Variants in NRG1 observed in about 807,000 individuals in gnomAD.
NRG1 encodes pro-neuregulin-1, membrane-bound isoform.
In NRG1, 18 loss-of-function variants were observed where a neutral mutation model predicts 63.8. The ratio of observed to expected loss-of-function variants is 0.28; its 90% CI spans 0.19 to 0.42. NRG1 has a LOEUF of 0.42. NRG1 is among the 10% of genes least tolerant of loss of function. The pLI, the probability that NRG1 is intolerant of heterozygous loss-of-function variation, is 1.00. For synonymous variants in NRG1, 302 were observed against 301.3 expected (o/e 1.00, Z -0.02); for missense variants, 762 against 814.7 (o/e 0.94, Z 0.79).
At chr8:31,762,337 C>A (rs1022367813) in intron 1 of NRG1, among the ~76,000 whole-genome samples, 8 of 152,162 alleles carry the variant, frequency 5.3e-5, no homozygotes, top group African/African-American at 1.9e-4. Context: ...AGGATGATAG[C>A]TTCCAGCTTC....
At chr8:32,612,573 C>T (rs1202071327) in intron 3 of NRG1, among the ~76,000 whole-genome samples, 2 of 149,584 alleles carry the variant, frequency 1.3e-5, no homozygotes, top group East Asian at 3.9e-4. Context: ...TAGTAACCTC[C>T]TGTTCTGGTA....
At chr8:32,213,308 T>C (rs899733932) in intron 1 of NRG1, among the ~76,000 whole-genome samples, 9 of 152,198 alleles carry the variant, frequency 5.9e-5, no homozygotes, top group Non-Finnish European at 1.3e-4. Context: ...TCATATCCTT[T>C]GCAGGGACAT....
chr8:31,919,321 TGAA>T (rs1422090616), intron 1 of NRG1, among the ~76,000 whole-genome samples: 3 of 152,190 alleles, frequency 2.0e-5, no homozygotes, highest in African/African-American at 7.2e-5. Context: ...ACAGTTTCTT[TGAA>T]TATTTCATTC....
At chr8:32,555,193 C>T (rs1278538775) in intron 1 of NRG1, among the ~76,000 whole-genome samples, 1 of 152,124 alleles carries the variant, frequency 6.6e-6, no homozygotes, top group Non-Finnish European at 1.5e-5. Flanking sequence ...AAATACCTTC[C>T]AATCACGCCT....
chr8:32,140,475 T>C (rs1836104634), intron 1 of NRG1, among the ~76,000 whole-genome samples: 1 of 151,986 alleles, frequency 6.6e-6, no homozygotes, highest in Non-Finnish European at 1.5e-5. Context: ...TCTTTTTTTT[T>C]TTTCTGAGAA....
intron 5 of NRG1, among the ~76,000 whole-genome samples, chr8:32,716,816 ATGTGCG>A (rs1007487322): frequency 6.3e-5 from 5 of 79,518 alleles, no homozygotes; most frequent in African/African-American, 2.3e-4. Flanking sequence ...GTGTGTGTGC[ATGTGCG>A]TGTGTGTGTG....
chr8:32,190,994 T>G (rs1842438711), intron 1 of NRG1, among the ~76,000 whole-genome samples: 1 of 152,188 alleles, frequency 6.6e-6, no homozygotes. Flanking sequence ...ATCCATTTGC[T>G]CCAGTTGGAG....
intron 1 of NRG1, among the ~76,000 whole-genome samples, chr8:32,069,828 C>T (rs770694160): frequency 1.3e-5 from 2 of 152,134 alleles, no homozygotes; most frequent in South Asian, 2.1e-4. Context: ...TCTAGATCTC[C>T]CTGCAGTGGT....
At chr8:32,342,009 A>G (rs750404729) in intron 1 of NRG1, among the ~76,000 whole-genome samples, 36 of 152,178 alleles carry the variant, frequency 2.4e-4, no homozygotes, top group Non-Finnish European at 4.6e-4. Flanking sequence ...TTGTGTCATT[A>G]TGTGAATTCT....
chr8:32,490,195 C>A (rs949417596), intron 1 of NRG1, among the ~76,000 whole-genome samples: 1 of 151,986 alleles, frequency 6.6e-6, no homozygotes, highest in African/African-American at 2.4e-5. Context: ...GTTCTAGCTA[C>A]AGGGGAGTCT....
intron 1 of NRG1, among the ~76,000 whole-genome samples, chr8:31,860,448 G>A (rs1287448194): frequency 1.3e-5 from 2 of 152,158 alleles, no homozygotes; most frequent in African/African-American, 2.4e-5. Flanking sequence ...GTATAAATCT[G>A]TACCTAATGA....
chr8:31,692,793 GT>G (rs1809659891), intron 1 of NRG1, among the ~76,000 whole-genome samples: 1 of 152,184 alleles, frequency 6.6e-6, no homozygotes, highest in South Asian at 2.1e-4. Flanking sequence ...GTGGGGAGGT[GT>G]GTAAGCTTGC....
intron 1 of NRG1, among the ~76,000 whole-genome samples, chr8:31,673,615 A>C (rs1313151233): frequency 6.6e-6 from 1 of 152,184 alleles, no homozygotes; most frequent in African/African-American, 2.4e-5. Flanking sequence ...TCTAAAGTGC[A>C]TGCATTTAGC....
chr8:32,042,896 T>C (rs1039106044), intron 1 of NRG1, among the ~76,000 whole-genome samples: 1 of 151,222 alleles, frequency 6.6e-6, no homozygotes, highest in Non-Finnish European at 1.5e-5. Context: ...TTCAGGAAGC[T>C]GAAGGACAAC....
intron 1 of NRG1, among the ~76,000 whole-genome samples, chr8:32,268,178 AG>A (rs1335984482): frequency 6.6e-6 from 1 of 152,194 alleles, no homozygotes; most frequent in African/African-American, 2.4e-5. Flanking sequence ...GGAGCCTGAA[AG>A]CACAGCCTTC....
intron 1 of NRG1, among the ~76,000 whole-genome samples, chr8:32,068,913 G>A (rs1165586401): frequency 1.3e-5 from 2 of 152,218 alleles, no homozygotes; most frequent in Non-Finnish European, 2.9e-5. Context: ...CTCTGATGAA[G>A]ATGTAGGGTG....
chr8:31,728,109 T>C (rs1813635124), intron 1 of NRG1, among the ~76,000 whole-genome samples: 1 of 152,148 alleles, frequency 6.6e-6, no homozygotes, highest in South Asian at 2.1e-4. Flanking sequence ...ACATAATAGT[T>C]TCAAACCAAG....
chr8:32,110,630 T>A (rs1831888526), intron 1 of NRG1, among the ~76,000 whole-genome samples: 1 of 152,154 alleles, frequency 6.6e-6, no homozygotes, highest in African/African-American at 2.4e-5. Context: ...TCTGTTACAA[T>A]AGAATCAAAT....
intron 5 of NRG1, among the ~76,000 whole-genome samples, chr8:32,704,347 G>C (rs1815768099): frequency 6.6e-6 from 1 of 152,114 alleles, no homozygotes; most frequent in African/African-American, 2.4e-5. Context: ...TTTATATTCT[G>C]GATATTTTCA....
Sources: gnomAD v4.1 joint callset for allele counts (sites outside exome capture counted in the v4.1 genomes callset) on GRCh38, gnomAD v4.1.1 for gene constraint, MANE v1.5 for transcripts, NCBI Gene and HGNC (gene_info 2026-07-23, HGNC 2026-07-21) for gene names.